The following GPC5 variants were observed in gnomAD, a reference collection of about 807,000 sequenced individuals.
GPC5 encodes glypican-5.
In GPC5, 47 loss-of-function variants were observed where a neutral mutation model predicts 53.9. The ratio of observed to expected loss-of-function variants is 0.87; its 90% CI spans 0.69 to 1.11. GPC5 has a LOEUF of 1.11. Among genes scored for constraint, GPC5 ranks in the 50% most tolerant of loss-of-function variants. The pLI is 0.00. For missense variants in GPC5, 748 were observed against 713.1 expected, an observed-to-expected ratio of 1.05 and a Z score of -0.56; for synonymous variants, 286 against 263.3, an observed-to-expected ratio of 1.09 and a Z score of -0.84.
intron 7 of GPC5, among the ~76,000 whole-genome samples, chr13:92,817,657 T>C (rs1877522294): frequency 6.6e-6 from 1 of 152,028 alleles, no homozygotes; most frequent in African/African-American, 2.4e-5. Context: ...TTGGAAATTT[T>C]ATTTTCTAAG....
chr13:92,860,634 T>A (rs1879150735), intron 7 of GPC5, among the ~76,000 whole-genome samples: 1 of 152,106 alleles, frequency 6.6e-6, no homozygotes, highest in African/African-American at 2.4e-5. Flanking sequence ...ATGACAAGAA[T>A]TAGTCTAGTA....
At chr13:92,411,137 G>A (rs1049663366) in intron 7 of GPC5, among the ~76,000 whole-genome samples, 1 of 152,094 alleles carries the variant, frequency 6.6e-6, no homozygotes, top group Non-Finnish European at 1.5e-5. Flanking sequence ...AGGCATGATG[G>A]CGCACGTCTG....
At chr13:91,526,565 T>C (rs1886095251) in intron 2 of GPC5, among the ~76,000 whole-genome samples, 1 of 152,210 alleles carries the variant, frequency 6.6e-6, no homozygotes, top group Non-Finnish European at 1.5e-5. Flanking sequence ...ATCTTAGCTT[T>C]ATGTGATTGG....
At chr13:92,254,731 G>T (rs947304109) in intron 7 of GPC5, among the ~76,000 whole-genome samples, 3 of 152,118 alleles carry the variant, frequency 2.0e-5, no homozygotes, top group Non-Finnish European at 4.4e-5. Flanking sequence ...TCATATGGTG[G>T]CAGGACAGAG....
At chr13:92,556,104 C>T (rs1299578273) in intron 7 of GPC5, among the ~76,000 whole-genome samples, 4 of 151,582 alleles carry the variant, frequency 2.6e-5, no homozygotes, top group African/African-American at 9.7e-5. Flanking sequence ...TTATGTGGGG[C>T]AATAAATAAT....
At chr13:91,472,599 A>G (rs1882695954) in intron 2 of GPC5, among the ~76,000 whole-genome samples, 1 of 152,184 alleles carries the variant, frequency 6.6e-6, no homozygotes, top group Non-Finnish European at 1.5e-5. Flanking sequence ...CCAATTTTTT[A>G]TTTTATTCCT....
intron 5 of GPC5, among the ~76,000 whole-genome samples, chr13:91,824,033 T>C (rs2038537011): frequency 6.6e-6 from 1 of 152,212 alleles, no homozygotes; most frequent in South Asian, 2.1e-4. Flanking sequence ...CAGTACAGAA[T>C]GCATTAGCTA....
At chr13:92,582,687 G>A (rs937460211) in intron 7 of GPC5, among the ~76,000 whole-genome samples, 1 of 151,878 alleles carries the variant, frequency 6.6e-6, no homozygotes, top group African/African-American at 2.4e-5. Flanking sequence ...TCAATGTTTT[G>A]TACTTTTCAG....
intron 7 of GPC5, among the ~76,000 whole-genome samples, chr13:92,814,596 G>A (rs1237614682): frequency 6.6e-6 from 1 of 151,536 alleles, no homozygotes; most frequent in Non-Finnish European, 1.5e-5. Flanking sequence ...GGGAGCCAGA[G>A]GCTGCAGTGA....
intron 7 of GPC5, among the ~76,000 whole-genome samples, chr13:92,414,312 C>T (rs577789963): frequency 1.3e-5 from 2 of 152,036 alleles, no homozygotes; most frequent in African/African-American, 4.8e-5. Context: ...CAAGACCAGC[C>T]TGGCCAACAT....
At chr13:92,307,696 C>A (rs538458729) in intron 7 of GPC5, among the ~76,000 whole-genome samples, 14 of 152,240 alleles carry the variant, frequency 9.2e-5, no homozygotes, top group African/African-American at 3.4e-4. Flanking sequence ...ATCTGCCCTG[C>A]AACAAACCTC....
intron 6 of GPC5, among the ~76,000 whole-genome samples, chr13:92,090,466 A>C (rs1410400206): frequency 6.6e-6 from 1 of 152,132 alleles, no homozygotes; most frequent in Non-Finnish European, 1.5e-5. Context: ...CATGTGGGGC[A>C]CAGGGAAGAG....
rs370702737 is a variant in GPC5 at position 92,752,094 on chromosome 13, G to A, written c.1562-114188G>A. On this transcript the variant is annotated intron_variant, in intron 7 of 7. Transcript: ENST00000377067. ...AAAAAAAAAAAGCAAGAACTCTAGA[G>A]CAGAGTTTCTCAAACTTGGCATTAC... is the stretch of plus-strand genomic sequence containing the variant. Among the ~76,000 whole-genome samples the A allele has an allele frequency of 7.3e-5, 11 of 151,582 alleles. 1 individual carries two copies. In the East Asian group the frequency reaches 1.9e-3, roughly 27 times the overall value.
intron 7 of GPC5, among the ~76,000 whole-genome samples, chr13:92,607,545 T>C (rs1884295890): frequency 6.6e-6 from 1 of 152,112 alleles, no homozygotes; most frequent in South Asian, 2.1e-4. Flanking sequence ...AAGAGACTGA[T>C]AATAAGGCAG....
intron 7 of GPC5, among the ~76,000 whole-genome samples, chr13:92,817,481 C>A (rs1240597736): frequency 6.6e-6 from 1 of 151,868 alleles, no homozygotes; most frequent in African/African-American, 2.4e-5. Context: ...AGTTTTAAGG[C>A]TGTGTCTGTA....
At chr13:91,663,494 C>T (rs1445347168) in intron 2 of GPC5, among the ~76,000 whole-genome samples, 4 of 152,140 alleles carry the variant, frequency 2.6e-5, no homozygotes, top group Non-Finnish European at 2.9e-5. Flanking sequence ...GTCTCACTCT[C>T]TCATTCAGGC....
chr13:92,681,655 C>T (rs770355494), intron 7 of GPC5, among the ~76,000 whole-genome samples: 2 of 152,116 alleles, frequency 1.3e-5, no homozygotes, highest in African/African-American at 4.8e-5. Context: ...TTGGTCAGAC[C>T]CTGTCCGTCT....
chr13:92,846,848 C>T (rs1878630031), intron 7 of GPC5, among the ~76,000 whole-genome samples: 1 of 152,206 alleles, frequency 6.6e-6, no homozygotes, highest in Non-Finnish European at 1.5e-5. Context: ...AAGGTACATA[C>T]ACTGTAGATT....
At chr13:92,522,445 AG>A (rs1312775490) in intron 7 of GPC5, among the ~76,000 whole-genome samples, 2 of 152,206 alleles carry the variant, frequency 1.3e-5, no homozygotes, top group Non-Finnish European at 2.9e-5. Context: ...GCCATAAAAA[AG>A]GATGAGTTCA....
Sources: gnomAD v4.1 joint callset for allele counts (sites outside exome capture counted in the v4.1 genomes callset) on GRCh38, gnomAD v4.1.1 for gene constraint, MANE v1.5 for transcripts, NCBI Gene and HGNC (gene_info 2026-07-23, HGNC 2026-07-21) for gene names.